The following BPTF variants were observed in gnomAD, a reference collection of about 807,000 sequenced individuals.
The protein encoded by BPTF is bromodomain PHD finger transcription factor.
In BPTF, 18 loss-of-function variants were observed where a neutral mutation model predicts 292.5. The ratio of observed to expected loss-of-function variants is 0.06; its 90% CI spans 0.04 to 0.09. The LOEUF is 0.09. Ranked by LOEUF, BPTF falls within the 10% of genes least tolerant of loss-of-function variation. The pLI, the probability that BPTF is intolerant of heterozygous loss-of-function variation, is 1.00. For synonymous variants in BPTF, 1,225 were observed against 1,251.9 expected, an observed-to-expected ratio of 0.98 and a Z score of 0.45; for missense variants, 2,726 against 3,498.7, an observed-to-expected ratio of 0.78 and a Z score of 5.57.
intron 27 of BPTF, among the ~76,000 whole-genome samples, chr17:67,978,320 A>G (rs2148655521): frequency 7.0e-6 from 1 of 141,858 alleles, no homozygotes; most frequent in South Asian, 2.3e-4. Flanking sequence ...TTTTTTTGAG[A>G]CAGAGTCTCA....
rs60308484 is a variant in BPTF, at chr17:67,959,642, TCCTCCAGCC to T, written c.8044_8052del (p.Ala2682_Pro2684del). The T allele has an allele frequency of 1.0e-4, 160 of 1,539,678 alleles. 1 individual carries two copies. Among genetic ancestry groups the T allele is most frequent in the South Asian group, 8.1e-4 (67 of 83,162 alleles). Reference sequence around the variant, plus strand: ...CACCCTGCCCCCCAGTGACACCAGCTCCTCCAGCCCCTCCAGCCCCTCCACCTTCACCTC... The same window carrying T: ...CACCCTGCCCCCCAGTGACACCAGCTCCTCCAGCCCCTCCACCTTCACCTC... On this transcript the variant is annotated inframe_deletion, in exon 24 of 28. Coordinates refer to ENST00000306378, the MANE Select transcript of BPTF (RefSeq NM_182641.4).
chr17:67,965,056 A>T, intron 25 of BPTF: 1 of 149,494 alleles, frequency 6.7e-6, no homozygotes, highest in East Asian at 2.0e-4. Context: ...AAAAACAAAA[A>T]GGGGACTGGG....
chr17:67,826,341 C>T lies in BPTF; in HGVS notation c.613+4C>T, dbSNP rs1027370601. On this transcript the variant is annotated splice_donor_region_variant and intron_variant, in intron 1 of 27. Coordinates refer to ENST00000306378, the MANE Select transcript of BPTF (RefSeq NM_182641.4). ...AGTACCTACAGCAGCACTCCAGGTA[C>T]CCACCCAGCCCAGTTGCTGCAGACT... The T allele has an allele frequency of 6.2e-7, 1 of 1,601,840 alleles. No individual in the cohort carries two copies. Among genetic ancestry groups the T allele is most frequent in the African/African-American group, 1.3e-5 (1 of 74,548 alleles).
Position 67,945,412 on chromosome 17 carries a change from C to T in BPTF, c.6704C>T (p.Thr2235Ile). 6.2e-7 allele frequency: 1 copy of T among 1,611,106 alleles called. No homozygotes were observed. Residue 2235 changes from threonine (T) to isoleucine (I), a missense_variant, in exon 21 of 28, where the codon ACA (threonine) becomes ATA (isoleucine). Coordinates refer to ENST00000306378, the MANE Select transcript of BPTF (RefSeq NM_182641.4). ...TTTVSTTAAG[T>I]GEQRQSKLSP... is the part of the protein sequence containing the mutation. ...GGTTCATCTTTCCTTTTTACAGGTACAGGTGAACAAAGGCAGAGTAAACTG... is the reference window on the plus strand; with the variant it reads ...GGTTCATCTTTCCTTTTTACAGGTATAGGTGAACAAAGGCAGAGTAAACTG...
rs34955199 is a variant in BPTF, at chr17:67,868,957, A to C, written c.1660+2270A>C. ...GTAGTTGGAAGTATTTCTCTATTAG[A>C]TCTGTTTAGAAAAATGTGTAATTTT... On this transcript the variant is annotated intron_variant, in intron 3 of 27. Coordinates refer to ENST00000306378, the MANE Select transcript of BPTF (RefSeq NM_182641.4). 8.9e-3 allele frequency among the ~76,000 whole-genome samples: 1,359 copies of C among 152,256 alleles called. 16 individuals carry two copies. Among genetic ancestry groups the C allele is most frequent in the Non-Finnish European group, 0.011 (781 of 68,018 alleles).
intron 2 of BPTF, among the ~76,000 whole-genome samples, chr17:67,861,637 C>G (rs1380117921): frequency 2.6e-5 from 4 of 152,222 alleles, no homozygotes; most frequent in South Asian, 2.1e-4. Context: ...ATTTTTAAAA[C>G]AGCAATTTTG....
At chr17:67,925,529 A>G (rs1174164590) in intron 15 of BPTF, among the ~76,000 whole-genome samples, 1 of 152,186 alleles carries the variant, frequency 6.6e-6, no homozygotes, top group Non-Finnish European at 1.5e-5. Flanking sequence ...TTTTAAAAAT[A>G]AAAATACAAT....
chr17:67,967,877 A>C (rs544422059), intron 26 of BPTF, among the ~76,000 whole-genome samples: 1 of 151,454 alleles, frequency 6.6e-6, no homozygotes, highest in South Asian at 2.1e-4. Context: ...TAGCTATATC[A>C]GATGGTGTCT....
intron 26 of BPTF, among the ~76,000 whole-genome samples, chr17:67,968,296 C>T (rs2068355030): frequency 6.6e-6 from 1 of 151,094 alleles, no homozygotes; most frequent in Admixed American, 6.6e-5. Flanking sequence ...TGAAAACTAT[C>T]TCTGAAAAAT....
At chr17:67,838,735 C>G (rs536141992) in intron 1 of BPTF, among the ~76,000 whole-genome samples, 12 of 152,154 alleles carry the variant, frequency 7.9e-5, no homozygotes, top group Non-Finnish European at 1.8e-4. Flanking sequence ...CTTGGCTTCC[C>G]AAACTGTTGG....
rs1598596476 is a variant in BPTF, at chr17:67,910,770, A to T, written c.2993-107A>T. On this transcript the variant is annotated intron_variant, in intron 10 of 27. Coordinates refer to ENST00000306378, the MANE Select transcript of BPTF (RefSeq NM_182641.4). The stretch of plus-strand genomic sequence containing the variant: ...AACTGAGATCATGCCACTGCACTCC[A>T]GCCTGGGCAACAGAGTGAGACTCCA... 1.1e-5 allele frequency: 9 copies of T among 814,876 alleles called. No homozygotes were observed. The East Asian group carries it at 3.0e-4, about 27-fold the overall frequency. 50.5% of individuals were successfully genotyped at this position (814,876 alleles called of 1,614,324 possible).
chr17:67,917,968 C>T (rs1002415783), intron 11 of BPTF, among the ~76,000 whole-genome samples: 7 of 152,224 alleles, frequency 4.6e-5, no homozygotes, highest in Admixed American at 3.3e-4. Flanking sequence ...CCCACCACCG[C>T]GCCTGGCTAA....
chr17:67,960,064 C>T (rs919809261), intron 24 of BPTF, 189 bp downstream of exon 24: 13 of 512,246 alleles, frequency 2.5e-5, no homozygotes, highest in Non-Finnish European at 3.7e-5. Flanking sequence ...TGCTATTTCA[C>T]GTGTTTGTGA....
rs1555674673 is a variant in BPTF at position 67,945,801 on chromosome 17, T to C, written c.7093T>C (p.Ser2365Pro). 2 of 1,614,064 alleles carry C rather than the reference T, an allele frequency of 1.2e-6. No individual in the cohort carries two copies. Among genetic ancestry groups the C allele is most frequent in the Admixed American group, 3.3e-5 (2 of 59,996 alleles). Reference sequence around the variant, plus strand: ...ATCCCAACTGTCTCCTGGACAACAATCCCAGGTTCAGACTACAACCTCACA... The same window carrying C: ...ATCCCAACTGTCTCCTGGACAACAACCCCAGGTTCAGACTACAACCTCACA... ...TPSQLSPGQQSQVQTTTSQPI... is the reference protein window; with the variant it reads ...TPSQLSPGQQPQVQTTTSQPI... The change falls in exon 21 of 28, where the codon TCC becomes CCC. Residue 2365 changes from serine (S) to proline (P), a missense_variant. Ser to Pro is a moderately conservative substitution (Grantham distance 74, BLOSUM62 -1). Around this residue, in one of 22 missense-constraint regions of BPTF, gnomAD observed 570 missense variants for 633.5 expected, o/e 0.90. Coordinates refer to ENST00000306378, the MANE Select transcript of BPTF (RefSeq NM_182641.4).
chr17:67,948,452 G>C (rs2065974305), intron 23 of BPTF, 146 bp downstream of exon 23: 1 of 741,318 alleles, frequency 1.3e-6, no homozygotes, highest in Admixed American at 3.0e-5. Flanking sequence ...GCAGTGCAGC[G>C]TGTGTGTCTT....
intron 1 of BPTF, among the ~76,000 whole-genome samples, chr17:67,843,151 T>C (rs1237585592): frequency 5.3e-5 from 8 of 149,638 alleles, no homozygotes; most frequent in Admixed American, 1.4e-4. Context: ...TACATATAAA[T>C]ATATATCTAC....
chr17:67,870,282 A>G (rs2059643204), intron 3 of BPTF, among the ~76,000 whole-genome samples: 1 of 147,910 alleles, frequency 6.8e-6, no homozygotes, highest in African/African-American at 2.5e-5. Flanking sequence ...TTTTTCGGCT[A>G]AGGTACAACA....
At chr17:67,887,054 T>C (rs2060799733) in intron 4 of BPTF, among the ~76,000 whole-genome samples, 1 of 152,250 alleles carries the variant, frequency 6.6e-6, no homozygotes, top group African/African-American at 2.4e-5. Context: ...CAGTGATGGC[T>C]ACTGCTTAAT....
At chr17:67,976,685 C>CAAAAAAAAAA (rs1156404121) in intron 27 of BPTF, among the ~76,000 whole-genome samples, 3 of 24,858 alleles carry the variant, frequency 1.2e-4, no homozygotes, top group African/African-American at 3.0e-4. Flanking sequence ...GACCCTGTCT[C>CAAAAAAAAAA]AAAAAAAAAA....
Sources: gnomAD v4.1 joint callset for allele counts (sites outside exome capture counted in the v4.1 genomes callset) on GRCh38, gnomAD v4.1.1 for gene constraint, gnomAD v4.1.1 regional missense constraint, MANE v1.5 for transcripts, NCBI Gene and HGNC (gene_info 2026-07-23, HGNC 2026-07-21) for gene names.